Variants in PLD5 observed in about 807,000 individuals in gnomAD.
The protein encoded by PLD5 is phospholipase D family member 5, also known as inactive phospholipase D5.
In PLD5, 36 loss-of-function variants were observed where a neutral mutation model predicts 61.1. The ratio of observed to expected loss-of-function variants is 0.59; its 90% CI spans 0.45 to 0.78. PLD5 has a LOEUF of 0.78. PLD5 is among the 30% of genes least tolerant of loss of function. The probability of loss-of-function intolerance (pLI) is 0.00; values close to 1 mark genes in which losing one functional copy is unlikely to be tolerated. For missense variants in PLD5, 515 were observed against 644.4 expected (o/e 0.80, Z 2.17); for synonymous variants, 243 against 242.8 (o/e 1.00, Z -0.01).
intron 1 of PLD5, among the ~76,000 whole-genome samples, chr1:242,476,404 T>C (rs982185421): frequency 3.3e-5 from 5 of 151,742 alleles, no homozygotes; most frequent in African/African-American, 1.2e-4. Flanking sequence ...ATGGAGCGTT[T>C]AGTAAGTAAA....
At chr1:242,237,099 C>T (rs1183925941) in intron 4 of PLD5, among the ~76,000 whole-genome samples, 1 of 152,164 alleles carries the variant, frequency 6.6e-6, no homozygotes, top group African/African-American at 2.4e-5. Context: ...GAGACTGCAG[C>T]TCAGGGGAAT....
At chr1:242,378,481 C>T (rs943835020) in intron 1 of PLD5, among the ~76,000 whole-genome samples, 1 of 152,140 alleles carries the variant, frequency 6.6e-6, no homozygotes, top group Non-Finnish European at 1.5e-5. Context: ...TACTACTGAA[C>T]TGTACACTTA....
intron 1 of PLD5, among the ~76,000 whole-genome samples, chr1:242,430,168 T>A (rs1220958407): frequency 6.6e-6 from 1 of 152,202 alleles, no homozygotes; most frequent in East Asian, 1.9e-4. Flanking sequence ...TCTCAGTGTC[T>A]CAGTCTGTTT....
chr1:242,286,516 T>A (rs768628485), intron 3 of PLD5, among the ~76,000 whole-genome samples: 4 of 152,120 alleles, frequency 2.6e-5, no homozygotes, highest in Non-Finnish European at 5.9e-5. Flanking sequence ...TGGACCTGAA[T>A]AAACACACTT....
intron 1 of PLD5, among the ~76,000 whole-genome samples, chr1:242,466,801 G>A (rs1324528514): frequency 2.0e-5 from 3 of 151,994 alleles, no homozygotes; most frequent in Non-Finnish European, 4.4e-5. Flanking sequence ...GCTGAGGCAG[G>A]AGAATCGCTT....
chr1:242,141,328 A>G (rs1452490897), intron 5 of PLD5, among the ~76,000 whole-genome samples: 1 of 151,900 alleles, frequency 6.6e-6, no homozygotes, highest in Admixed American at 6.6e-5. Flanking sequence ...TCCCGATGAC[A>G]TTTTCCATCT....
At chr1:242,419,736 G>T (rs7550063) in intron 1 of PLD5, among the ~76,000 whole-genome samples, 67,269 of 151,762 alleles carry the variant, frequency 0.44, 16,485 homozygotes, top group African/African-American at 0.66. Context: ...TTGCCAGCAA[G>T]GAGAAGTAAA....
At chr1:242,111,049 GC>G (rs1199166541) in intron 7 of PLD5, among the ~76,000 whole-genome samples, 2 of 145,862 alleles carry the variant, frequency 1.4e-5, no homozygotes, top group African/African-American at 5.3e-5. Context: ...GTGAAATAGG[GC>G]TTCTGAATTT....
chr1:242,133,523 C>T (rs1472125499), intron 5 of PLD5, among the ~76,000 whole-genome samples: 1 of 152,162 alleles, frequency 6.6e-6, no homozygotes, highest in Non-Finnish European at 1.5e-5. Flanking sequence ...ACCTGGACAC[C>T]CTCCACTGGT....
intron 2 of PLD5, among the ~76,000 whole-genome samples, chr1:242,306,079 T>G (rs1676331724): frequency 6.6e-6 from 1 of 151,850 alleles, no homozygotes; most frequent in Non-Finnish European, 1.5e-5. Flanking sequence ...GGGCTCCAGC[T>G]TTGCCAGTCC....
intron 9 of PLD5, among the ~76,000 whole-genome samples, chr1:242,095,637 T>G (rs35962113): frequency 0.089 from 13,544 of 152,240 alleles, 728 homozygotes; most frequent in East Asian, 0.14. Flanking sequence ...TTAAAAAACA[T>G]TCCCACAAAA....
Position 242,524,344 on chromosome 1 carries a change from G to T in PLD5, c.-68C>A. 4 of 1,325,994 alleles carry T rather than the reference G, an allele frequency of 3.0e-6. No individual in the cohort carries two copies. Among genetic ancestry groups the T allele is most frequent in the Non-Finnish European group, 3.9e-6 (4 of 1,037,592 alleles). 82.1% of individuals were successfully genotyped at this position (1,325,994 alleles called of 1,614,324 possible). ...ACGGGCGCGCGGGGAGCCGGGCGCG[G>T]AGGGCGAGCGGGAGGCCCAGCGGGA... On this transcript the variant is annotated 5_prime_UTR_variant, in exon 1 of 10. Coordinates refer to ENST00000536534, the MANE Select transcript of PLD5 (RefSeq NM_001372062.1).
rs201719525 is a variant in PLD5, at chr1:242,272,497, T to TA, written c.496-7050dup. On this transcript the variant is annotated intron_variant, in intron 3 of 9. Coordinates refer to ENST00000536534, the MANE Select transcript of PLD5 (RefSeq NM_001372062.1). ...CAAAAATCTGTCTTGTAACTGCCATTAAGAAGCCTGAACAAAAGTTATAAT... is the reference window on the plus strand; with the variant it reads ...CAAAAATCTGTCTTGTAACTGCCATTAAAGAAGCCTGAACAAAAGTTATAAT... 6.4e-3 allele frequency among the ~76,000 whole-genome samples: 970 copies of TA among 152,302 alleles called. 10 individuals are homozygous for TA. The highest frequency in any genetic ancestry group is 8.6e-3 in the Non-Finnish European group (588 of 68,012).
chr1:242,196,797 G>A (rs1291647882), intron 5 of PLD5, among the ~76,000 whole-genome samples: 3 of 152,154 alleles, frequency 2.0e-5, no homozygotes, highest in Admixed American at 1.3e-4. Flanking sequence ...TGATCACTGT[G>A]AACACACTGT....
intron 4 of PLD5, among the ~76,000 whole-genome samples, chr1:242,227,101 T>C (rs888434890): frequency 6.6e-6 from 1 of 152,228 alleles, no homozygotes; most frequent in Non-Finnish European, 1.5e-5. Flanking sequence ...TTGTTTATCA[T>C]AGATCTGTTC....
chr1:242,448,021 G>C (rs1461197729), intron 1 of PLD5, among the ~76,000 whole-genome samples: 2 of 152,152 alleles, frequency 1.3e-5, no homozygotes, highest in Admixed American at 6.5e-5. Context: ...CCTCATGCTA[G>C]ATATGTGCAT....
intron 5 of PLD5, among the ~76,000 whole-genome samples, chr1:242,177,390 G>A (rs1667226518): frequency 6.6e-6 from 1 of 152,050 alleles, no homozygotes; most frequent in African/African-American, 2.4e-5. Flanking sequence ...ACAGGGAGGG[G>A]AACAACACAC....
chr1:242,468,686 CACAT>C (rs1667348174), intron 1 of PLD5, among the ~76,000 whole-genome samples: 1 of 151,808 alleles, frequency 6.6e-6, no homozygotes, highest in East Asian at 1.9e-4. Context: ...TACACACACA[CACAT>C]ACACACACAC....
At chr1:242,324,513 T>A (rs1466389280) in intron 2 of PLD5, among the ~76,000 whole-genome samples, 1 of 152,188 alleles carries the variant, frequency 6.6e-6, no homozygotes, top group Non-Finnish European at 1.5e-5. Context: ...TGGGTGTAGG[T>A]TGAACTAAGT....
Sources: gnomAD v4.1 joint callset for allele counts (sites outside exome capture counted in the v4.1 genomes callset) on GRCh38, gnomAD v4.1.1 for gene constraint, MANE v1.5 for transcripts, NCBI Gene and HGNC (gene_info 2026-07-23, HGNC 2026-07-21) for gene names.